Variants in POU6F2 observed in about 807,000 individuals in gnomAD.
POU6F2 encodes the protein POU class 6 homeobox 2, also known as POU domain, class 6, transcription factor 2.
Under a neutral mutation model 71.3 loss-of-function variants are expected in POU6F2, and 31 were observed. That is an observed-to-expected ratio of 0.43 (90% confidence interval 0.33 to 0.59). The LOEUF is 0.59. Ranked by LOEUF, POU6F2 falls within the 20% of genes least tolerant of loss-of-function variation. The pLI is 0.04. For synonymous variants in POU6F2, 347 were observed against 355.7 expected (o/e 0.98, Z 0.27); for missense variants, 783 against 856.8 (o/e 0.91, Z 1.07).
At chr7:39,378,382 C>G (rs1211262672) in intron 5 of POU6F2, among the ~76,000 whole-genome samples, 1 of 152,188 alleles carries the variant, frequency 6.6e-6, no homozygotes, top group Non-Finnish European at 1.5e-5. Context: ...TGAATCCCCT[C>G]CAATCCCGTC....
chr7:39,261,874 A>C (rs939379117), intron 4 of POU6F2, among the ~76,000 whole-genome samples: 5 of 152,220 alleles, frequency 3.3e-5, no homozygotes, highest in Non-Finnish European at 5.9e-5. Context: ...AAGACATCAG[A>C]GTAGATGTAA....
intron 5 of POU6F2, among the ~76,000 whole-genome samples, chr7:39,400,470 C>A (rs976095481): frequency 2.0e-5 from 3 of 152,174 alleles, no homozygotes; most frequent in Non-Finnish European, 4.4e-5. Context: ...ATCCATTTGA[C>A]CCCAAGAGCA....
intron 5 of POU6F2, among the ~76,000 whole-genome samples, chr7:39,405,514 A>T (rs1273323182): frequency 1.3e-5 from 2 of 152,212 alleles, no homozygotes. Flanking sequence ...GGAACTGGTG[A>T]TGGAAAATGC....
chr7:39,002,458 G>A (rs967876069), intron 1 of POU6F2, among the ~76,000 whole-genome samples: 13 of 152,068 alleles, frequency 8.5e-5, no homozygotes, highest in South Asian at 2.1e-4. Context: ...AGCAATTCTC[G>A]TGCCTCAGCC....
At chr7:39,154,353 C>T (rs941216983) in intron 2 of POU6F2, among the ~76,000 whole-genome samples, 25 of 152,000 alleles carry the variant, frequency 1.6e-4, no homozygotes, top group African/African-American at 4.6e-4. Flanking sequence ...TTGGCCCCAG[C>T]GTGATAATGC....
rs142007923 is a variant in POU6F2, at chr7:39,235,782, G to A, written c.598+28162G>A. ...CCGTCACCAGAAGTAGCTAGCAAACGGAAATCATATGCATGGTGCCCATCA... is the reference window on the plus strand; with the variant it reads ...CCGTCACCAGAAGTAGCTAGCAAACAGAAATCATATGCATGGTGCCCATCA... On this transcript the variant is annotated intron_variant, in intron 4 of 9. Transcript: ENST00000518318. 2.6e-5 allele frequency among the ~76,000 whole-genome samples: 4 copies of A among 152,234 alleles called. No individual in the cohort carries two copies. In the East Asian group the frequency reaches 5.8e-4, roughly 22 times the overall value.
chr7:39,054,020 T>C (rs939155350), intron 1 of POU6F2, among the ~76,000 whole-genome samples: 2 of 151,926 alleles, frequency 1.3e-5, no homozygotes, highest in Non-Finnish European at 2.9e-5. Flanking sequence ...GGAGAATTGC[T>C]TGAACCTGGA....
chr7:39,403,582 G>T (rs571997749), intron 5 of POU6F2, among the ~76,000 whole-genome samples: 1 of 152,290 alleles, frequency 6.6e-6, no homozygotes, highest in South Asian at 2.1e-4. Flanking sequence ...CTCATTATGT[G>T]CATTTATTGT....
At chr7:39,396,355 CA>C (rs1453420827) in intron 5 of POU6F2, among the ~76,000 whole-genome samples, 2 of 152,142 alleles carry the variant, frequency 1.3e-5, no homozygotes, top group African/African-American at 4.8e-5. Context: ...AGTTTGCCAC[CA>C]GATCATTGTG....
chr7:39,012,657 T>C (rs1789327723), intron 1 of POU6F2, among the ~76,000 whole-genome samples: 2 of 152,216 alleles, frequency 1.3e-5, no homozygotes, highest in African/African-American at 4.8e-5. Context: ...TTTGTGGTTT[T>C]ATCTACTTTT....
At chr7:39,172,777 T>C (rs1793247911) in intron 2 of POU6F2, among the ~76,000 whole-genome samples, 1 of 152,058 alleles carries the variant, frequency 6.6e-6, no homozygotes, top group Admixed American at 6.6e-5. Flanking sequence ...CCTGCCACCA[T>C]GCCTGGCTAA....
chr7:39,419,019 A>T (rs1277465118), intron 6 of POU6F2, among the ~76,000 whole-genome samples: 2 of 136,826 alleles, frequency 1.5e-5, no homozygotes, highest in Non-Finnish European at 3.2e-5. Context: ...ATATATGTAT[A>T]TATATGTGTG....
At chr7:39,406,089 T>TG (rs1257114641) in intron 5 of POU6F2, 1 of 153,756 alleles carries the variant, frequency 6.5e-6, no homozygotes, top group African/African-American at 2.4e-5. Flanking sequence ...AACAAGAAAG[T>TG]GGGGTGGAAC....
chr7:39,340,458 TTAAG>T (rs897529878), intron 5 of POU6F2, among the ~76,000 whole-genome samples: 1 of 152,218 alleles, frequency 6.6e-6, no homozygotes, highest in Non-Finnish European at 1.5e-5. Context: ...GTGTCTCACC[TTAAG>T]TACTTTGTGC....
At chr7:39,341,847 T>C (rs945637240) in intron 5 of POU6F2, among the ~76,000 whole-genome samples, 1 of 152,200 alleles carries the variant, frequency 6.6e-6, no homozygotes, top group Non-Finnish European at 1.5e-5. Flanking sequence ...GTTGAATGAC[T>C]GTTGACAGGA....
rs775234423 is a variant in POU6F2 at position 39,451,664 on chromosome 7, C to T, written c.1452C>T (p.Ser484=). Residue 484 remains serine (S), a synonymous_variant, in exon 8 of 10, where the codon TCC becomes TCT. Transcript: ENST00000518318. Reference sequence around the variant, plus strand: ...CTTCCTCTTCTTCCTCCTCATCCTCCTCTTCTTCAGCTTTGAGCGTGGGCC... The same window carrying T: ...CTTCCTCTTCTTCCTCCTCATCCTCTTCTTCTTCAGCTTTGAGCGTGGGCC... The part of the protein sequence containing the change: ...RQASSSSSSS[S]SSSALSVGQL... 3 of 1,609,684 alleles carry T rather than the reference C, an allele frequency of 1.9e-6. No homozygotes were observed. Among genetic ancestry groups the T allele is most frequent in the Non-Finnish European group, 2.5e-6 (3 of 1,177,948 alleles).
At chr7:39,327,406 G>T (rs937294339) in intron 4 of POU6F2, among the ~76,000 whole-genome samples, 6 of 151,886 alleles carry the variant, frequency 4.0e-5, no homozygotes, top group Admixed American at 2.0e-4. Context: ...GTGTGAATTC[G>T]CCAGTTTCAT....
intron 1 of POU6F2, among the ~76,000 whole-genome samples, chr7:39,019,088 T>C (rs929780221): frequency 6.6e-6 from 1 of 152,172 alleles, no homozygotes; most frequent in Non-Finnish European, 1.5e-5. Context: ...CCCATTTTTG[T>C]TATTGTTGTT....
intron 4 of POU6F2, among the ~76,000 whole-genome samples, chr7:39,295,130 T>C (rs1583503788): frequency 6.6e-6 from 1 of 152,258 alleles, no homozygotes; most frequent in East Asian, 1.9e-4. Flanking sequence ...AGCAAGATTG[T>C]TTTAAATGCT....
Sources: gnomAD v4.1 joint callset for allele counts (sites outside exome capture counted in the v4.1 genomes callset) on GRCh38, gnomAD v4.1.1 for gene constraint, MANE v1.5 for transcripts, NCBI Gene and HGNC (gene_info 2026-07-23, HGNC 2026-07-21) for gene names.